Variants in NOVA1 observed in about 807,000 individuals in gnomAD.
NOVA1 encodes RNA-binding protein Nova-1.
Under a neutral mutation model 38.0 loss-of-function variants are expected in NOVA1, and 7 were observed. The ratio of observed to expected loss-of-function variants is 0.18; its 90% CI spans 0.10 to 0.35. The LOEUF (loss-of-function observed/expected upper bound fraction) is 0.35. Ranked by LOEUF, NOVA1 falls within the 10% of genes least tolerant of loss-of-function variation. The pLI is 1.00. For synonymous variants in NOVA1, 270 were observed against 232.5 expected, an observed-to-expected ratio of 1.16 and a Z score of -1.47; for missense variants, 460 against 616.0, an observed-to-expected ratio of 0.75 and a Z score of 2.68.
At chr14:26,597,189 T>C in intron 1 of NOVA1, 112 bp downstream of exon 1, 1 of 1,066,706 alleles carries the variant, frequency 9.4e-7, no homozygotes, top group Non-Finnish European at 1.2e-6. Flanking sequence ...GGGCTGGAGG[T>C]GTCCGGGCCG....
rs1463565506 is a variant in NOVA1 at position 26,443,362 on chromosome 14, A to C, written c.*4597T>G. 1.3e-5 allele frequency: 2 copies of C among 152,000 alleles called. No homozygotes were observed. The highest frequency in any genetic ancestry group is 4.8e-5 in the African/African-American group (2 of 41,422). The allele number at this position is 152,000 out of a possible 1,614,324, so 9.4% of individuals were successfully genotyped here. A position where few individuals can be genotyped will look rare whatever the true frequency, so the allele number is the denominator to read the frequency against. On this transcript the variant is annotated 3_prime_UTR_variant, in exon 5 of 5. Coordinates refer to ENST00000539517, the MANE Select transcript of NOVA1 (RefSeq NM_002515.3). ...AAAAATAATCTAATCAAAATATTGA[A>C]TACTTTAGAATTAAACAATATTTTA...
chr14:26,573,734 G>C (rs1328772315), intron 2 of NOVA1, among the ~76,000 whole-genome samples: 3 of 152,062 alleles, frequency 2.0e-5, no homozygotes, highest in African/African-American at 7.2e-5. Flanking sequence ...TAAATCTGTT[G>C]GGGTGAGTTT....
chr14:26,521,519 A>C (rs1888893316), intron 2 of NOVA1, among the ~76,000 whole-genome samples: 1 of 152,148 alleles, frequency 6.6e-6, no homozygotes, highest in African/African-American at 2.4e-5. Flanking sequence ...GAAAACTAAT[A>C]GACTGGTGCT....
At chr14:26,530,659 A>T (rs1363574897) in intron 2 of NOVA1, among the ~76,000 whole-genome samples, 1 of 152,176 alleles carries the variant, frequency 6.6e-6, no homozygotes, top group East Asian at 1.9e-4. Flanking sequence ...AACAAAGGAG[A>T]TCATTCAAAG....
At chr14:26,474,384 CATGTAGAAA>C (rs1227920850) in intron 3 of NOVA1, among the ~76,000 whole-genome samples, 1 of 151,818 alleles carries the variant, frequency 6.6e-6, no homozygotes, top group African/African-American at 2.4e-5. Context: ...TGCAAAGAAC[CATGTAGAAA>C]AAGTTTAATT....
chr14:26,545,701 T>A (rs1890747373), intron 2 of NOVA1, among the ~76,000 whole-genome samples: 1 of 152,102 alleles, frequency 6.6e-6, no homozygotes, highest in Admixed American at 6.6e-5. Flanking sequence ...TGATTCCCAA[T>A]TAACAGACTT....
At chr14:26,555,947 C>T (rs749500530) in intron 2 of NOVA1, among the ~76,000 whole-genome samples, 5 of 152,012 alleles carry the variant, frequency 3.3e-5, no homozygotes, top group African/African-American at 4.8e-5. Context: ...ATAAAACTAA[C>T]AAAATATGTT....
intron 2 of NOVA1, among the ~76,000 whole-genome samples, chr14:26,545,354 T>C (rs911987743): frequency 1.3e-5 from 2 of 152,028 alleles, no homozygotes; most frequent in Non-Finnish European, 2.9e-5. Context: ...CAGAGGATAG[T>C]AGCCTAGGGA....
Position 26,578,408 on chromosome 14 carries a change from T to C in NOVA1, c.280+17002A>G, listed in dbSNP as rs944206432. On this transcript the variant is annotated intron_variant, in intron 2 of 4. Coordinates refer to ENST00000539517, the MANE Select transcript of NOVA1 (RefSeq NM_002515.3). ...AGTGTATTTGTAGGTAAAAATAATT[T>C]CCAGTAGGGCAAGAACTTGATACTG... is the stretch of plus-strand genomic sequence containing the variant. Among the ~76,000 whole-genome samples, 10 of 152,084 alleles carry C rather than the reference T, an allele frequency of 6.6e-5. No individual in the cohort carries two copies. The East Asian group carries it at 1.9e-3, about 29-fold the overall frequency.
chr14:26,449,647 A>G (rs981504289), intron 4 of NOVA1, among the ~76,000 whole-genome samples: 1 of 152,132 alleles, frequency 6.6e-6, no homozygotes, highest in Non-Finnish European at 1.5e-5. Context: ...CTTGGGGTAG[A>G]TTAACCCTAT....
At chr14:26,559,149 C>T (rs1019646791) in intron 2 of NOVA1, among the ~76,000 whole-genome samples, 2 of 152,096 alleles carry the variant, frequency 1.3e-5, no homozygotes, top group Admixed American at 6.5e-5. Flanking sequence ...ACGATCACTA[C>T]TGTATATAAT....
At position 26,499,683 on chromosome 14, in the gene NOVA1, C is replaced by A. The variant is rs73599911; in HGVS notation, c.281-19540G>T. On this transcript the variant is annotated intron_variant, in intron 2 of 4. Transcript: ENST00000539517. Reference sequence around the variant, plus strand: ...AGAGGGACACAACTAATCTATCCAACCTTGTTGGGAATTTACTCTCTTATG... The same window carrying A: ...AGAGGGACACAACTAATCTATCCAAACTTGTTGGGAATTTACTCTCTTATG... 8.8e-3 allele frequency among the ~76,000 whole-genome samples: 1,345 copies of A among 152,204 alleles called. 18 individuals are homozygous for A. Among genetic ancestry groups the A allele is most frequent in the African/African-American group, 0.031 (1,272 of 41,544 alleles).
chr14:26,511,292 T>C (rs1650558984), intron 2 of NOVA1, among the ~76,000 whole-genome samples: 1 of 152,274 alleles, frequency 6.6e-6, no homozygotes, highest in Non-Finnish European at 1.5e-5. Flanking sequence ...TTCAGATTAT[T>C]TGATGAAGTA....
chr14:26,453,189 TATGTATGTATGTATG>T lies in NOVA1; in HGVS notation c.520-4241_520-4227del, dbSNP rs1882857416. Among the ~76,000 whole-genome samples, 10 of 120,652 alleles carry T rather than the reference TATGTATGTATGTATG, an allele frequency of 8.3e-5. No individual in the cohort carries two copies. The South Asian group carries it at 2.8e-3, about 34-fold the overall frequency. The allele number at this position is 120,652 out of a possible 152,430, so 79.2% of individuals were successfully genotyped here. ...TTATGTATGTATGTATGTATGTATG[TATGTATGTATGTATG>T]TATGTATTTATTTATTTTTAGAGAG... On this transcript the variant is annotated intron_variant, in intron 4 of 4. Coordinates refer to ENST00000539517, the MANE Select transcript of NOVA1 (RefSeq NM_002515.3).
At chr14:26,541,981 A>C (rs949489739) in intron 2 of NOVA1, among the ~76,000 whole-genome samples, 7 of 151,912 alleles carry the variant, frequency 4.6e-5, no homozygotes, top group African/African-American at 1.7e-4. Context: ...ATTTAACCTA[A>C]TGTAAAGGTC....
intron 3 of NOVA1, 170 bp downstream of exon 3, chr14:26,479,807 T>C (rs915676864): frequency 7.9e-5 from 43 of 541,970 alleles, no homozygotes; most frequent in African/African-American, 6.3e-4. Flanking sequence ...AATTAACTGA[T>C]CAATCTAAGG....
chr14:26,582,797 A>G (rs1341164414), intron 2 of NOVA1, among the ~76,000 whole-genome samples: 2 of 151,760 alleles, frequency 1.3e-5, no homozygotes, highest in East Asian at 3.8e-4. Context: ...TTGAGTAAAG[A>G]GTCCATCAGA....
rs1882326960 is a variant in NOVA1, at chr14:26,448,608, G to C, written c.875C>G (p.Ala292Gly). ...AAAGGCTGCAACGCCAGCAAGGTTA[G>C]CATGTCCTAATAGCCCTGCAGCTGC... Reference protein sequence around the residue: ...AAAAAGLLGHANLAGVAAFPA... With the variant: ...AAAAAGLLGHGNLAGVAAFPA... The change falls in exon 5 of 5, where the codon GCT (alanine) becomes GGT (glycine). Residue 292 changes from alanine (A) to glycine (G), a missense_variant. Physicochemically the swap from Ala to Gly is moderately conservative, Grantham distance 60. Transcript: ENST00000539517. This position sits in a 1 kb window ranked among gnomAD's most constrained non-coding sequence, Gnocchi z 5.3. 2.5e-6 allele frequency: 4 copies of C among 1,614,124 alleles called. No homozygotes were observed. The African/African-American group carries it at 5.3e-5, about 22-fold the overall frequency.
intron 2 of NOVA1, among the ~76,000 whole-genome samples, chr14:26,532,921 T>C (rs1889822445): frequency 6.6e-6 from 1 of 152,210 alleles, no homozygotes; most frequent in South Asian, 2.1e-4. Context: ...CACCATGCTA[T>C]ATGGTTCAGA....
Sources: gnomAD v4.1 joint callset for allele counts (sites outside exome capture counted in the v4.1 genomes callset) on GRCh38, gnomAD v4.1.1 for gene constraint, Gnocchi (gnomAD v3.1) non-coding constraint, MANE v1.5 for transcripts, NCBI Gene and HGNC (gene_info 2026-07-23, HGNC 2026-07-21) for gene names.